KALRN: variants seen among roughly 807,000 people sequenced by gnomAD.
The protein encoded by KALRN is kalirin.
In KALRN, 70 loss-of-function variants were observed where a neutral mutation model predicts 353.7. That is an observed-to-expected ratio of 0.20 (90% confidence interval 0.16 to 0.24). The LOEUF is 0.24. Among genes scored for constraint, KALRN ranks in the 10% least tolerant of loss-of-function variants. The probability of loss-of-function intolerance (pLI) is 1.00; values close to 1 mark genes in which losing one functional copy is unlikely to be tolerated. For synonymous variants in KALRN, 1,391 were observed against 1,434.8 expected (o/e 0.97, Z 0.69); for missense variants, 2,791 against 3,756.7 (o/e 0.74, Z 6.72).
intron 34 of KALRN, among the ~76,000 whole-genome samples, chr3:124,626,449 T>G (rs2079967183): frequency 6.6e-6 from 1 of 152,216 alleles, no homozygotes; most frequent in Non-Finnish European, 1.5e-5. Flanking sequence ...TCAATTTTTT[T>G]CTATATTTTT....
intron 34 of KALRN, among the ~76,000 whole-genome samples, chr3:124,600,250 G>A (rs779974130): frequency 6.6e-6 from 1 of 152,210 alleles, no homozygotes; most frequent in Non-Finnish European, 1.5e-5. Flanking sequence ...TCCTCTCATT[G>A]TAACATACCA....
intron 33 of KALRN, among the ~76,000 whole-genome samples, chr3:124,531,538 G>A (rs1345906226): frequency 2.6e-5 from 4 of 152,142 alleles, no homozygotes; most frequent in Non-Finnish European, 4.4e-5. Context: ...TAATTGGCTC[G>A]TGGTTCCACA....
At chr3:124,282,983 A>G (rs1051195909) in intron 5 of KALRN, among the ~76,000 whole-genome samples, 5 of 152,218 alleles carry the variant, frequency 3.3e-5, no homozygotes, top group African/African-American at 4.8e-5. Context: ...AGGCCCACCT[A>G]GCACATACCA....
At chr3:124,313,063 G>A (rs2078438623) in intron 6 of KALRN, among the ~76,000 whole-genome samples, 1 of 152,170 alleles carries the variant, frequency 6.6e-6, no homozygotes, top group Non-Finnish European at 1.5e-5. Context: ...ATAAGGCATG[G>A]CTCCAGCAGA....
intron 19 of KALRN, among the ~76,000 whole-genome samples, chr3:124,444,755 C>T (rs560548184): frequency 7.3e-6 from 1 of 137,686 alleles, no homozygotes; most frequent in East Asian, 2.2e-4. Context: ...CTGCAATGAG[C>T]TATGACTGCA....
At chr3:124,622,732 C>T (rs1320183214) in intron 34 of KALRN, among the ~76,000 whole-genome samples, 1 of 152,140 alleles carries the variant, frequency 6.6e-6, no homozygotes, top group African/African-American at 2.4e-5. Context: ...TCTCTACTTC[C>T]AAATCGCCTT....
At chr3:124,533,070 G>A (rs1405913856) in intron 33 of KALRN, among the ~76,000 whole-genome samples, 4 of 149,764 alleles carry the variant, frequency 2.7e-5, no homozygotes, top group Admixed American at 1.3e-4. Context: ...AAGAGACATA[G>A]ATACTGTAAA....
chr3:124,350,396 G>C (rs775074560), intron 10 of KALRN, among the ~76,000 whole-genome samples: 2 of 152,154 alleles, frequency 1.3e-5, no homozygotes, highest in Non-Finnish European at 2.9e-5. Flanking sequence ...GGTAGTATTT[G>C]CCTTGTTTTA....
chr3:124,068,607 C>T (rs145170059), intron 1 of KALRN, among the ~76,000 whole-genome samples: 1 of 152,202 alleles, frequency 6.6e-6, no homozygotes, highest in Non-Finnish European at 1.5e-5. Context: ...ACAAAACCCT[C>T]TTCCCCATCT....
At chr3:124,451,385 G>A (rs530031) in intron 21 of KALRN, among the ~76,000 whole-genome samples, 150,979 of 152,278 alleles carry the variant, frequency 0.99, 74,856 homozygotes, top group East Asian at 1. Flanking sequence ...GGAGAGGCAA[G>A]ACATAAATTA....
chr3:124,151,901 T>C (rs2068159921), intron 1 of KALRN: 1 of 622,206 alleles, frequency 1.6e-6, no homozygotes, highest in African/African-American at 1.8e-5. Context: ...TGTATTCAAT[T>C]TGAGAGCAGG....
intron 39 of KALRN, among the ~76,000 whole-genome samples, chr3:124,656,863 C>T (rs1297198336): frequency 6.6e-6 from 1 of 152,080 alleles, no homozygotes; most frequent in Non-Finnish European, 1.5e-5. Flanking sequence ...GGTACAATAG[C>T]TTCCATATGC....
At chr3:124,381,619 T>C (rs1467155171) in intron 10 of KALRN, among the ~76,000 whole-genome samples, 2 of 152,200 alleles carry the variant, frequency 1.3e-5, no homozygotes, top group East Asian at 3.8e-4. Flanking sequence ...AAATGTATCT[T>C]ATAGCTCTTC....
At chr3:124,108,916 C>T (rs2062573127) in intron 1 of KALRN, among the ~76,000 whole-genome samples, 1 of 152,160 alleles carries the variant, frequency 6.6e-6, no homozygotes, top group African/African-American at 2.4e-5. Context: ...ACTTTATTCT[C>T]ACCATGAATA....
intron 14 of KALRN, among the ~76,000 whole-genome samples, chr3:124,420,534 T>C (rs2092729955): frequency 6.6e-6 from 1 of 152,178 alleles, no homozygotes; most frequent in Non-Finnish European, 1.5e-5. Context: ...TTGATTTCAG[T>C]CAAGGAGGTG....
At chr3:124,533,865 G>A (rs933519742) in intron 33 of KALRN, among the ~76,000 whole-genome samples, 11 of 152,170 alleles carry the variant, frequency 7.2e-5, no homozygotes, top group Non-Finnish European at 1.0e-4. Flanking sequence ...AGTGTGAAAG[G>A]GAGGGAAAGA....
intron 1 of KALRN, among the ~76,000 whole-genome samples, chr3:124,089,723 A>T (rs1002716030): frequency 6.6e-6 from 1 of 151,798 alleles, no homozygotes; most frequent in Non-Finnish European, 1.5e-5. Context: ...CTGAGTAGGA[A>T]ATGGGAGGTC....
rs373031459 is a variant in KALRN at position 124,446,263 on chromosome 3, G to A, written c.3416G>A (p.Arg1139His). 180 of 1,612,348 alleles carry A rather than the reference G, an allele frequency of 1.1e-4. No homozygotes were observed. The highest frequency in any genetic ancestry group is 1.5e-4 in the Non-Finnish European group (171 of 1,178,696). The change falls in exon 20 of 60, where the codon CGC (arginine) becomes CAC (histidine). Residue 1139 changes from arginine (R) to histidine (H), a missense_variant. Arg to His is a conservative substitution (Grantham distance 29, BLOSUM62 0). Transcript: ENST00000682506. ...TGCCAGCAATATGTGGTGTTCGAGC[G>A]CAGCGCTAAGCAGGTTGTCCAAAGC... ...DQCQQYVVFE[R>H]SAKQALDWIQ... is the part of the protein sequence containing the mutation.
intron 33 of KALRN, among the ~76,000 whole-genome samples, chr3:124,560,194 A>G (rs2109811447): frequency 6.6e-6 from 1 of 152,366 alleles, no homozygotes; most frequent in South Asian, 2.1e-4. Flanking sequence ...GTTTGCAACT[A>G]GAGCTTCAGG....
Sources: gnomAD v4.1 joint callset for allele counts (sites outside exome capture counted in the v4.1 genomes callset) on GRCh38, gnomAD v4.1.1 for gene constraint, MANE v1.5 for transcripts, NCBI Gene and HGNC (gene_info 2026-07-23, HGNC 2026-07-21) for gene names.